Variants in LAMA2 observed in about 807,000 individuals in gnomAD.
LAMA2 encodes laminin subunit alpha-2.
LAMA2 carries 269 observed loss-of-function variants against 364.8 expected under a neutral mutation model. That is an observed-to-expected ratio of 0.74 (90% CI 0.67 to 0.82). LAMA2 has a LOEUF of 0.82. Among genes scored for constraint, LAMA2 ranks in the 40% least tolerant of loss-of-function variants. LAMA2 has a pLI of 0.00. For missense variants in LAMA2, 3,807 were observed against 3,873.2 expected (o/e 0.98, Z 0.45); for synonymous variants, 1,379 against 1,370.6 (o/e 1.01, Z -0.14).
At chr6:129,253,488 C>T (rs1370469659) in intron 14 of LAMA2, among the ~76,000 whole-genome samples, 1 of 152,168 alleles carries the variant, frequency 6.6e-6, no homozygotes, top group Non-Finnish European at 1.5e-5. Context: ...TAAACAGAAC[C>T]ATTGCCAAAC....
chr6:129,119,910 C>G (rs930277392), intron 4 of LAMA2, among the ~76,000 whole-genome samples: 6 of 152,144 alleles, frequency 3.9e-5, no homozygotes, highest in African/African-American at 1.4e-4. Flanking sequence ...ATAAATATGT[C>G]TAAGGAATAT....
At chr6:129,373,708 C>T (rs1778216013) in intron 34 of LAMA2, among the ~76,000 whole-genome samples, 1 of 152,014 alleles carries the variant, frequency 6.6e-6, no homozygotes, top group African/African-American at 2.4e-5. Context: ...TGGACAGGTT[C>T]ATGTGTTTGG....
chr6:128,937,590 A>C (rs190723587), intron 1 of LAMA2, among the ~76,000 whole-genome samples: 2 of 152,124 alleles, frequency 1.3e-5, no homozygotes, highest in African/African-American at 4.8e-5. Context: ...ATTGGTGTAT[A>C]ATTGTTCATA....
chr6:128,917,940 T>G (rs574833117), intron 1 of LAMA2, among the ~76,000 whole-genome samples: 3 of 151,914 alleles, frequency 2.0e-5, no homozygotes, highest in Non-Finnish European at 4.4e-5. Flanking sequence ...TTTGCCATGT[T>G]GCTCAGACTG....
At chr6:129,367,067 TAGAATC>T (rs1400345376) in intron 33 of LAMA2, among the ~76,000 whole-genome samples, 1 of 152,230 alleles carries the variant, frequency 6.6e-6, no homozygotes. Context: ...AACACATGAT[TAGAATC>T]TTGTACTAAA....
intron 28 of LAMA2, among the ~76,000 whole-genome samples, chr6:129,323,643 C>A (rs1775098161): frequency 6.6e-6 from 1 of 152,174 alleles, no homozygotes; most frequent in Admixed American, 6.5e-5. Flanking sequence ...CTTTGAGTGA[C>A]ATTAAATATA....
At chr6:129,156,719 CA>C (rs1014115218) in intron 8 of LAMA2, among the ~76,000 whole-genome samples, 1 of 151,442 alleles carries the variant, frequency 6.6e-6, no homozygotes, top group African/African-American at 2.4e-5. Flanking sequence ...ATAATAACAA[CA>C]AAAAAAATGG....
chr6:129,166,426 T>C (rs1156358468), intron 9 of LAMA2, among the ~76,000 whole-genome samples: 3 of 152,318 alleles, frequency 2.0e-5, no homozygotes, highest in Admixed American at 1.3e-4. Flanking sequence ...CTAATGACTT[T>C]AGCGTTAAAA....
chr6:129,219,839 G>T (rs1397164965), intron 12 of LAMA2, among the ~76,000 whole-genome samples: 2 of 140,232 alleles, frequency 1.4e-5, no homozygotes, highest in Non-Finnish European at 3.1e-5. Flanking sequence ...GGGTGGGGGG[G>T]AGGGGGGAGA....
chr6:129,139,420 G>T (rs1418738945), intron 4 of LAMA2, among the ~76,000 whole-genome samples: 1 of 152,008 alleles, frequency 6.6e-6, no homozygotes, highest in African/African-American at 2.4e-5. Flanking sequence ...AAATAATATG[G>T]TATAACAACT....
chr6:129,315,644 G>A lies in LAMA2; in HGVS notation c.3724G>A (p.Glu1242Lys), dbSNP rs375043898. 5.0e-6 allele frequency: 8 copies of A among 1,614,088 alleles called. No homozygotes were observed. Among genetic ancestry groups the A allele is most frequent in the Non-Finnish European group, 6.8e-6 (8 of 1,179,962 alleles). ...PFYWKLPEQF[E>K]GKKLMAYGGK... ...TTATTGGAAACTTCCAGAACAATTT[G>A]AAGGAAAGAAGGTAAGCACAAGAAC... Residue 1242 changes from glutamate (E) to lysine (K), a missense_variant, in exon 25 of 65, where the codon GAA becomes AAA. Glu to Lys is a moderately conservative substitution (Grantham distance 56). Coordinates refer to ENST00000421865, the MANE Select transcript of LAMA2 (RefSeq NM_000426.4).
At chr6:128,906,361 T>C (rs1217437351) in intron 1 of LAMA2, among the ~76,000 whole-genome samples, 1 of 132,678 alleles carries the variant, frequency 7.5e-6, no homozygotes, top group African/African-American at 3.0e-5. Flanking sequence ...ATTGTGGTTT[T>C]GATTTGCATT....
chr6:129,291,764 A>G (rs761602713), intron 20 of LAMA2, 44 bp downstream of exon 20: 2 of 1,277,490 alleles, frequency 1.6e-6, no homozygotes, highest in Admixed American at 3.4e-5. Flanking sequence ...CTCCTTACAG[A>G]TTTTCACTGG....
At chr6:128,936,273 T>C (rs940303124) in intron 1 of LAMA2, among the ~76,000 whole-genome samples, 1 of 152,240 alleles carries the variant, frequency 6.6e-6, no homozygotes, top group African/African-American at 2.4e-5. Context: ...TCAGAAAAGC[T>C]TTCAACTTTT....
intron 1 of LAMA2, among the ~76,000 whole-genome samples, chr6:128,953,597 T>TTGTG (rs113782463): frequency 0.04 from 4,877 of 121,824 alleles, 248 homozygotes; most frequent in African/African-American, 0.13. Context: ...GCCCATGGAC[T>TTGTG]TGTGTGTGTG....
intron 21 of LAMA2, 126 bp downstream of exon 21, chr6:129,297,991 C>T: frequency 1.6e-6 from 1 of 629,356 alleles, no homozygotes. Context: ...TGAGTAATGT[C>T]TACTTATTTT....
chr6:129,162,419 T>TTA (rs2114988745), intron 8 of LAMA2, among the ~76,000 whole-genome samples: 1 of 152,210 alleles, frequency 6.6e-6, no homozygotes, highest in East Asian at 1.9e-4. Flanking sequence ...TGGTTCTAGC[T>TTA]TATATATATT....
intron 3 of LAMA2, among the ~76,000 whole-genome samples, chr6:129,094,774 C>T (rs139762360): frequency 2.5e-3 from 383 of 152,230 alleles, no homozygotes; most frequent in Non-Finnish European, 4.2e-3. Context: ...CACAAGAACA[C>T]GCAGTATTTT....
intron 1 of LAMA2, among the ~76,000 whole-genome samples, chr6:128,942,814 C>T (rs1780237422): frequency 6.6e-6 from 1 of 152,092 alleles, no homozygotes; most frequent in Non-Finnish European, 1.5e-5. Context: ...TGCAGTTCAG[C>T]CTTAAGTACT....
Sources: allele counts gnomAD v4.1 joint callset (sites outside exome capture counted in the v4.1 genomes callset), GRCh38; gene constraint gnomAD v4.1.1; transcripts MANE v1.5; gene names NCBI Gene and HGNC (gene_info 2026-07-23, HGNC 2026-07-21).